Variants in FYCO1 observed in about 807,000 individuals in gnomAD.
The protein encoded by FYCO1 is FYVE and coiled-coil domain-containing protein 1.
In FYCO1, 122 loss-of-function variants were observed where a neutral mutation model predicts 165.1. The ratio of observed to expected loss-of-function variants is 0.74; its 90% CI spans 0.64 to 0.86. The LOEUF (loss-of-function observed/expected upper bound fraction) is 0.86, where lower values mean the gene tolerates loss of function less well. Ranked by LOEUF, FYCO1 falls within the 40% of genes least tolerant of loss-of-function variation. The pLI is 0.00. For synonymous variants in FYCO1, 648 were observed against 742.5 expected, an observed-to-expected ratio of 0.87 and a Z score of 2.07; for missense variants, 1,702 against 1,810.3, an observed-to-expected ratio of 0.94 and a Z score of 1.09.
rs899139934 is a variant in FYCO1 at position 45,919,109 on chromosome 3, G to A, written c.*2656C>T. The A allele has an allele frequency of 3.3e-5, 5 of 150,084 alleles. No individual in the cohort carries two copies. The East Asian group carries it at 5.8e-4, about 18-fold the overall frequency. The allele number at this position is 150,084 out of a possible 1,614,324, so 9.3% of individuals were successfully genotyped here. On this transcript the variant is annotated 3_prime_UTR_variant, in exon 18 of 18. Coordinates refer to ENST00000296137, the MANE Select transcript of FYCO1 (RefSeq NM_024513.4). ...AAGAGTGATCTGGGATCCCAAGGACGCTTCCTTCTGGCTGATTTCTAGTGT... is the reference window on the plus strand; with the variant it reads ...AAGAGTGATCTGGGATCCCAAGGACACTTCCTTCTGGCTGATTTCTAGTGT...
chr3:45,988,657 T>C (rs1011136922), intron 1 of FYCO1, among the ~76,000 whole-genome samples: 3 of 152,208 alleles, frequency 2.0e-5, no homozygotes, highest in Non-Finnish European at 4.4e-5. Context: ...ATCAGAGAAA[T>C]GCGTTTTATA....
rs201823521 is a variant in FYCO1, at chr3:45,966,681, C to T, written c.2653G>A (p.Glu885Lys). ...TCAGCGTGCTCCAGCTGTGCTTCCT[C>T]GGAGCTGCATTTGGCCTGGGACAGC... is the stretch of plus-strand genomic sequence containing the variant. ...EELSQAKCSS[E>K]EAQLEHAELQ... The change falls in exon 8 of 18, where the codon GAG (glutamate) becomes AAG (lysine). Residue 885 changes from glutamate to lysine, a missense_variant. Glu to Lys is a moderately conservative substitution (Grantham distance 56). Transcript: ENST00000296137. 1.1e-5 allele frequency: 17 copies of T among 1,613,852 alleles called. No individual in the cohort carries two copies. The highest frequency in any genetic ancestry group is 8.0e-5 in the African/African-American group (6 of 74,928).
intron 5 of FYCO1, 141 bp downstream of exon 5, chr3:45,975,098 A>G: frequency 4.0e-6 from 3 of 740,808 alleles, no homozygotes; most frequent in Non-Finnish European, 7.4e-6. Context: ...GGGGTGGAAG[A>G]CAATGATATA....
intron 14 of FYCO1, among the ~76,000 whole-genome samples, chr3:45,952,020 A>T (rs748686908): frequency 2.6e-5 from 4 of 152,210 alleles, no homozygotes; most frequent in Non-Finnish European, 5.9e-5. Flanking sequence ...AAGCCAGTGG[A>T]CTGGAGTCTA....
rs761900261 is a variant in FYCO1 at position 45,966,712 on chromosome 3, C to T, written c.2622G>A (p.Gln874=). 1.5e-4 allele frequency: 241 copies of T among 1,612,866 alleles called. 2 individuals are homozygous for T. The South Asian group carries it at 2.4e-3, about 16-fold the overall frequency. Residue 874 remains glutamine (Q), a synonymous_variant, in exon 8 of 18, where the codon CAG becomes CAA. Transcript: ENST00000296137. ...QQREEELRAL[Q]EELSQAKCSS... ...TGCATTTGGCCTGGGACAGCTCCTC[C>T]TGCAGGGCCCGCAGCTCCTCCTCCC...
intron 5 of FYCO1, 67 bp from the exon 6 acceptor site, chr3:45,973,298 TG>T: frequency 6.6e-7 from 1 of 1,514,834 alleles, no homozygotes; most frequent in Non-Finnish European, 9.1e-7. Context: ...GTCCTCCCAC[TG>T]TGGCTCTGCC....
chr3:45,968,817 A>G (rs1706264217), intron 7 of FYCO1, 114 bp from the exon 8 acceptor site: 1 of 1,226,472 alleles, frequency 8.2e-7, no homozygotes, highest in Non-Finnish European at 1.2e-6. Flanking sequence ...TACCTGCCCT[A>G]AGGTTAGTCT....
intron 2 of FYCO1, among the ~76,000 whole-genome samples, chr3:45,982,826 C>T (rs1707122778): frequency 6.6e-6 from 1 of 152,184 alleles, no homozygotes; most frequent in Non-Finnish European, 1.5e-5. Context: ...GGGACTGATT[C>T]TTACAAGTGA....
At position 45,973,044 on chromosome 3, in the gene FYCO1, T is replaced by G. The variant is rs1450802138; in HGVS notation, c.539+44A>C. Reference sequence around the variant, plus strand: ...TGGTGGCAATCTTCAAAACTTCAAATGTCTCTTTTCCTGTCTTTTAAACCA... The same window carrying G: ...TGGTGGCAATCTTCAAAACTTCAAAGGTCTCTTTTCCTGTCTTTTAAACCA... On this transcript the variant is annotated intron_variant, in intron 6 of 17. Transcript: ENST00000296137. 3 of 1,611,806 alleles carry G rather than the reference T, an allele frequency of 1.9e-6. No homozygotes were observed. In the South Asian group the frequency reaches 3.3e-5, roughly 18 times the overall value.
In FYCO1 at chr3:45,966,930, C is replaced by T. The variant is rs1202703787; in HGVS notation, c.2404G>A (p.Ala802Thr). Reference sequence around the variant, plus strand: ...TGCACCTTGTCCTGGTCATCCAGGGCTGCCCGCATCTTGGCCTGGAGGTCC... The same window carrying T: ...TGCACCTTGTCCTGGTCATCCAGGGTTGCCCGCATCTTGGCCTGGAGGTCC... Reference protein sequence around the residue: ...VVDLQAKMRAALDDQDKVQSQ... With the variant: ...VVDLQAKMRATLDDQDKVQSQ... The change falls in exon 8 of 18, where the codon GCC (alanine) becomes ACC (threonine). Residue 802 changes from alanine to threonine, a missense_variant. Physicochemically the swap from Ala to Thr is moderately conservative, Grantham distance 58. Coordinates refer to ENST00000296137, the MANE Select transcript of FYCO1 (RefSeq NM_024513.4). 2.5e-6 allele frequency: 4 copies of T among 1,613,670 alleles called. No individual in the cohort carries two copies. The highest frequency in any genetic ancestry group is 3.4e-6 in the Non-Finnish European group (4 of 1,180,046).
chr3:45,947,367 C>A, intron 14 of FYCO1: 1 of 1,614,234 alleles, frequency 6.2e-7, no homozygotes, highest in Non-Finnish European at 8.5e-7. Context: ...CCTGAAGTTT[C>A]GAAAGAACTT....
Position 45,921,722 on chromosome 3 carries a change from C to A in FYCO1, c.*43G>T. Reference sequence around the variant, plus strand: ...GCTTTATGTGACAGGTGAGGAAGAGCAGTGTTTCCTGTGGATGAAGTGAAG... The same window carrying A: ...GCTTTATGTGACAGGTGAGGAAGAGAAGTGTTTCCTGTGGATGAAGTGAAG... On this transcript the variant is annotated 3_prime_UTR_variant, in exon 18 of 18. Transcript: ENST00000296137. The A allele has an allele frequency of 8.1e-7, 1 of 1,232,648 alleles. No homozygotes were observed. 76.4% of individuals were successfully genotyped at this position (1,232,648 alleles called of 1,614,324 possible). A position where few individuals can be genotyped will look rare whatever the true frequency, so the allele number is the denominator to read the frequency against.
At chr3:45,930,758 G>C (rs765455356) in intron 16 of FYCO1, among the ~76,000 whole-genome samples, 4 of 152,210 alleles carry the variant, frequency 2.6e-5, no homozygotes, top group Non-Finnish European at 4.4e-5. Context: ...ATTAGAAAAT[G>C]ATCCTTAAAT....
chr3:45,952,380 G>T (rs1196916770), intron 14 of FYCO1, among the ~76,000 whole-genome samples: 1 of 152,020 alleles, frequency 6.6e-6, no homozygotes, highest in Non-Finnish European at 1.5e-5. Flanking sequence ...CGGTGTTTTT[G>T]GTTTAGGTCT....
At chr3:45,989,795 C>T (rs1355769881) in intron 1 of FYCO1, among the ~76,000 whole-genome samples, 2 of 152,164 alleles carry the variant, frequency 1.3e-5, no homozygotes, top group Non-Finnish European at 2.9e-5. Context: ...AGTCCATGGA[C>T]CCCAGAGAGC....
At chr3:45,958,324 T>C in intron 13 of FYCO1, 84 bp downstream of exon 13, 2 of 1,216,486 alleles carry the variant, frequency 1.6e-6, no homozygotes, top group East Asian at 4.9e-5. Flanking sequence ...GAATTCAGCT[T>C]ATTAGCACTA....
chr3:45,993,839 C>T lies in FYCO1; in HGVS notation c.-113+1883G>A, dbSNP rs1054299897. Among the ~76,000 whole-genome samples, 6 of 152,156 alleles carry T rather than the reference C, an allele frequency of 3.9e-5. No homozygotes were observed. The highest frequency in any genetic ancestry group is 1.2e-4 in the African/African-American group (5 of 41,438). On this transcript the variant is annotated intron_variant, in intron 1 of 17. Transcript: ENST00000296137. This position sits in a 1 kb window ranked among gnomAD's most constrained non-coding sequence, Gnocchi z 4.4. ...TTAAAGACATTCTAGTCTTGAGTCA[C>T]CAAAGCTGTGTCTTTGGAATCTTCA... is the stretch of plus-strand genomic sequence containing the variant.
At chr3:45,965,680 G>A (rs1293507167) in intron 8 of FYCO1, among the ~76,000 whole-genome samples, 2 of 152,262 alleles carry the variant, frequency 1.3e-5, no homozygotes, top group Non-Finnish European at 1.5e-5. Context: ...TCTGCTGTCA[G>A]GAGAGCACCT....
chr3:45,955,782 G>T (rs1705274393), intron 13 of FYCO1, among the ~76,000 whole-genome samples: 1 of 152,208 alleles, frequency 6.6e-6, no homozygotes, highest in African/African-American at 2.4e-5. Context: ...GTAAGACACA[G>T]GCAGTACTTA....
Sources: gnomAD v4.1 joint callset for allele counts (sites outside exome capture counted in the v4.1 genomes callset) on GRCh38, gnomAD v4.1.1 for gene constraint, Gnocchi (gnomAD v3.1) non-coding constraint, MANE v1.5 for transcripts, NCBI Gene and HGNC (gene_info 2026-07-23, HGNC 2026-07-21) for gene names.